Variants in FAT2 observed in about 807,000 individuals in gnomAD.
FAT2 encodes the protein protocadherin Fat 2.
In FAT2, 150 loss-of-function variants were observed where a neutral mutation model predicts 295.3. The observed-to-expected ratio is 0.51, with a 90% CI of 0.44 to 0.58. FAT2 has a LOEUF of 0.58. FAT2 is among the 20% of genes least tolerant of loss of function. FAT2 has a pLI of 0.00. For synonymous variants in FAT2, 2,026 were observed against 2,150.3 expected (o/e 0.94, Z 1.60); for missense variants, 4,868 against 5,442.7 (o/e 0.89, Z 3.32).
rs145577993 is a variant in FAT2, at chr5:151,505,702, C to T, written c.12913G>A (p.Ala4305Thr). 9.6e-4 allele frequency: 1,557 copies of T among 1,614,056 alleles called. 1 individual carries two copies. Among genetic ancestry groups the T allele is most frequent in the Non-Finnish European group, 1.1e-3 (1,350 of 1,179,966 alleles). Residue 4305 changes from alanine to threonine, a missense_variant, in exon 24 of 24, where the codon GCT (alanine) becomes ACT (threonine). Around this residue, in one of 5 missense-constraint regions of FAT2, gnomAD observed 492 missense variants for 482.6 expected, o/e 1.02. Transcript: ENST00000261800. The stretch of plus-strand genomic sequence containing the variant: ...TCACAGACAGCATAAGAGGGCCCAG[C>T]TCGGCTGAGGCGCATACCCACCCCC... The part of the protein sequence containing the change: ...YKGVGMRLSR[A>T]GPSYAVCEVE...
chr5:151,508,244 G>A (rs577950161), intron 22 of FAT2, among the ~76,000 whole-genome samples: 3 of 152,322 alleles, frequency 2.0e-5, no homozygotes, highest in African/African-American at 4.8e-5. Flanking sequence ...CTCAGTGCCC[G>A]AAATGTCACT....
intron 1 of FAT2, among the ~76,000 whole-genome samples, chr5:151,578,247 G>A (rs1309701440): frequency 4.6e-5 from 7 of 152,144 alleles, no homozygotes; most frequent in South Asian, 2.1e-4. Flanking sequence ...AATGGGCCTC[G>A]TTTTGTGGGG....
chr5:151,593,899 A>G (rs1203904097), upstream of FAT2, among the ~76,000 whole-genome samples: 1 of 152,076 alleles, frequency 6.6e-6, no homozygotes, highest in African/African-American at 2.4e-5. Context: ...GCTACTCAGG[A>G]GGCTGAGGCA....
intron 1 of FAT2, among the ~76,000 whole-genome samples, chr5:151,569,620 A>G (rs536167489): frequency 3.3e-5 from 5 of 152,294 alleles, no homozygotes; most frequent in African/African-American, 9.6e-5. Flanking sequence ...ACTAGTTCAA[A>G]ATGCTCTCTC....
chr5:151,543,881 A>G lies in FAT2; in HGVS notation c.7246T>C (p.Tyr2416His). The G allele has an allele frequency of 6.2e-7, 1 of 1,614,078 alleles. No individual in the cohort carries two copies. Among genetic ancestry groups the G allele is most frequent in the South Asian group, 1.1e-5 (1 of 91,076 alleles). ...TCCTGATTGCCAGAAAGAATCAGGT[A>G]CTCCAGGCGGGAGGTGTCTCTGCTG... ...PDSRDTSRLEYLILSGNQDRH... is the reference protein window; with the variant it reads ...PDSRDTSRLEHLILSGNQDRH... The change falls in exon 10 of 24, where the codon TAC (tyrosine) becomes CAC (histidine). Residue 2416 changes from tyrosine to histidine, a missense_variant. This residue lies in a region of FAT2 where 3,297 missense variants were observed against 3,669.4 expected (regional missense o/e 0.90). Coordinates refer to ENST00000261800, the MANE Select transcript of FAT2 (RefSeq NM_001447.3).
At chr5:151,540,900 AC>A in intron 10 of FAT2, 137 bp from the exon 11 acceptor site, 2 of 664,552 alleles carry the variant, frequency 3.0e-6, no homozygotes, top group East Asian at 3.0e-5. Flanking sequence ...CTAGGAACCC[AC>A]GATTCTACAC....
intron 12 of FAT2, among the ~76,000 whole-genome samples, chr5:151,535,290 G>C (rs572804731): frequency 2.0e-5 from 3 of 152,056 alleles, no homozygotes; most frequent in Admixed American, 6.5e-5. Context: ...CAATCTCTTT[G>C]ACCTTCTCCT....
In FAT2 at chr5:151,568,297, G is replaced by A; in HGVS notation, c.635C>T (p.Thr212Ile). The stretch of plus-strand genomic sequence containing the variant: ...CTGGAGCTCATGCTTTCCTCGCCAG[G>A]TGACGTTAAGCTTCCCAGCCACAGT... The part of the protein sequence containing the change: ...VVTVAGKLNV[T>I]WRGKHELQVL... The change falls in exon 2 of 24, where the codon ACC becomes ATC. Residue 212 changes from threonine (T) to isoleucine (I), a missense_variant. Physicochemically the swap from Thr to Ile is moderately conservative, Grantham distance 89. Transcript: ENST00000261800. The A allele has an allele frequency of 1.9e-6, 3 of 1,614,198 alleles. No homozygotes were observed. The highest frequency in any genetic ancestry group is 1.1e-5 in the South Asian group (1 of 91,078).
rs1184258221 is a variant in FAT2 at position 151,550,714 on chromosome 5, A to G, written c.4454T>C (p.Ile1485Thr). ...ACTTCCTGGGTCTTGGCTGCCATGT[A>G]TGGTATAGATGAGGCTTTTGCCCTT... ...QDKGKSLIYT[I>T]HGSQDPGSAS... Residue 1485 changes from isoleucine (I) to threonine (T), a missense_variant, in exon 8 of 24, where the codon ATA becomes ACA. Ile to Thr is a moderately conservative substitution (Grantham distance 89). Around this residue, in one of 5 missense-constraint regions of FAT2, gnomAD observed 3,297 missense variants for 3,669.4 expected, o/e 0.90. Coordinates refer to ENST00000261800, the MANE Select transcript of FAT2 (RefSeq NM_001447.3). 3 of 1,614,112 alleles carry G rather than the reference A, an allele frequency of 1.9e-6. No homozygotes were observed. Among genetic ancestry groups the G allele is most frequent in the African/African-American group, 2.7e-5 (2 of 75,012 alleles).
At chr5:151,530,286 G>A (rs549021005) in intron 14 of FAT2, among the ~76,000 whole-genome samples, 19 of 149,840 alleles carry the variant, frequency 1.3e-4, no homozygotes, top group South Asian at 6.3e-4. Context: ...TCTTATGTGC[G>A]TCCAGACATG....
intron 12 of FAT2, among the ~76,000 whole-genome samples, chr5:151,536,566 T>C: frequency 6.6e-6 from 1 of 152,050 alleles, no homozygotes; most frequent in East Asian, 1.9e-4. Flanking sequence ...CCAAAGGAAG[T>C]CCACTCCACC....
At position 151,551,455 on chromosome 5, in the gene FAT2, G is replaced by A. The variant is rs2127623338; in HGVS notation, c.4296+12C>T. 2 of 1,613,144 alleles carry A rather than the reference G, an allele frequency of 1.2e-6. No homozygotes were observed. The highest frequency in any genetic ancestry group is 2.2e-5 in the South Asian group (2 of 90,914). Reference sequence around the variant, plus strand: ...CCTCTCAATACAGGGGTCCCCAGCCGAGGCCTCTAACCTGTGTGGCAATGG... The same window carrying A: ...CCTCTCAATACAGGGGTCCCCAGCCAAGGCCTCTAACCTGTGTGGCAATGG... On this transcript the variant is annotated intron_variant, in intron 7 of 23. Transcript: ENST00000261800.
chr5:151,553,430 G>T (rs1351990372), intron 5 of FAT2, 43 bp from the exon 6 acceptor site: 1 of 1,576,234 alleles, frequency 6.3e-7, no homozygotes, highest in Non-Finnish European at 8.7e-7. Flanking sequence ...GGGGCCAAGA[G>T]ACAGGAAGAC....
intron 18 of FAT2, among the ~76,000 whole-genome samples, chr5:151,524,412 G>A (rs989429368): frequency 6.7e-6 from 1 of 148,724 alleles, no homozygotes; most frequent in African/African-American, 2.5e-5. Flanking sequence ...CTTGTGAATG[G>A]GATTAGGGCC....
In FAT2 at chr5:151,565,894, A is replaced by C. The variant is rs1758234415; in HGVS notation, c.3038T>G (p.Leu1013Arg). 1.2e-6 allele frequency: 2 copies of C among 1,614,006 alleles called. No individual in the cohort carries two copies. Among genetic ancestry groups the C allele is most frequent in the African/African-American group, 1.3e-5 (1 of 75,036 alleles). ...CAGGACGATCACCTCCACATGGCAG[A>C]GAGTCCTGCGGGCTAGGGGCCTCCC... The part of the protein sequence containing the change: ...DGGRPLARRT[L>R]CHVEVIVLDV... Residue 1013 changes from leucine to arginine, a missense_variant, in exon 2 of 24, where the codon CTC becomes CGC. Around this residue, in one of 5 missense-constraint regions of FAT2, gnomAD observed 3,297 missense variants for 3,669.4 expected, o/e 0.90. Coordinates refer to ENST00000261800, the MANE Select transcript of FAT2 (RefSeq NM_001447.3).
Position 151,505,422 on chromosome 5 carries a change from G to T in FAT2, c.*143C>A. On this transcript the variant is annotated 3_prime_UTR_variant, in exon 24 of 24. Transcript: ENST00000261800. ...AGGGACTAGGTGGGGGATTGGAAGA[G>T]CACATTTCAAGGGACAACAGCCTGG... The T allele has an allele frequency of 1.0e-6, 1 of 968,734 alleles. No individual in the cohort carries two copies. Among genetic ancestry groups the T allele is most frequent in the Non-Finnish European group, 1.5e-6 (1 of 649,952 alleles). The allele number at this position is 968,734 out of a possible 1,614,324, so 60.0% of individuals were successfully genotyped here.
At position 151,561,079 on chromosome 5, in the gene FAT2, T is replaced by C. The variant is rs77136816; in HGVS notation, c.3574+2246A>G. Among the ~76,000 whole-genome samples, 342 of 152,292 alleles carry C rather than the reference T, an allele frequency of 2.2e-3. 3 individuals are homozygous for C. The highest frequency in any genetic ancestry group is 7.7e-3 in the African/African-American group (321 of 41,560). ...CAAGTGAATATAACGTCCTGTATGATAAATGTCGCAAAAAGGAGTAGGTGG... is the reference window on the plus strand; with the variant it reads ...CAAGTGAATATAACGTCCTGTATGACAAATGTCGCAAAAAGGAGTAGGTGG... On this transcript the variant is annotated intron_variant, in intron 3 of 23. Transcript: ENST00000261800.
intron 8 of FAT2, among the ~76,000 whole-genome samples, chr5:151,550,205 T>A (rs1345308650): frequency 6.6e-6 from 1 of 152,128 alleles, no homozygotes; most frequent in East Asian, 1.9e-4. Context: ...CCTCCTTACA[T>A]TTTGTGTCCT....
Position 151,529,323 on chromosome 5 carries a change from C to T in FAT2, c.9881G>A (p.Ser3294Asn). ...ACTGAGGGAAGAGGAGCTCTTCCGG[C>T]TGCACTCAATGGACAGGAAGTACTT... ...SPKYFLSIEC[S>N]RKSSSSLSDV... The change falls in exon 15 of 24, where the codon AGC becomes AAC. Residue 3294 changes from serine (S) to asparagine (N), a missense_variant. Ser to Asn is a conservative substitution (Grantham distance 46, BLOSUM62 1). Coordinates refer to ENST00000261800, the MANE Select transcript of FAT2 (RefSeq NM_001447.3). 1.2e-6 allele frequency: 2 copies of T among 1,614,024 alleles called. No homozygotes were observed. Among genetic ancestry groups the T allele is most frequent in the Non-Finnish European group, 1.7e-6 (2 of 1,179,948 alleles).
Sources: allele counts gnomAD v4.1 joint callset (sites outside exome capture counted in the v4.1 genomes callset), GRCh38; gene constraint gnomAD v4.1.1; regional missense constraint gnomAD v4.1.1; transcripts MANE v1.5; gene names NCBI Gene and HGNC (gene_info 2026-07-23, HGNC 2026-07-21).